PRELID2: variants seen among roughly 807,000 people sequenced by gnomAD.
PRELID2 encodes the protein PRELI domain containing 2.
In PRELID2, 25 loss-of-function variants were observed where a neutral mutation model predicts 28.4. That is an observed-to-expected ratio of 0.88 (90% CI 0.64 to 1.23). The LOEUF (loss-of-function observed/expected upper bound fraction) is 1.23, where lower values mean the gene tolerates loss of function less well. Among genes scored for constraint, PRELID2 ranks in the 50% most tolerant of loss-of-function variants. The pLI, the probability that PRELID2 is intolerant of heterozygous loss-of-function variation, is 0.00. For missense variants in PRELID2, 201 were observed against 214.4 expected (o/e 0.94, Z 0.39); for synonymous variants, 76 against 71.6 (o/e 1.06, Z -0.31).
intron 1 of PRELID2, among the ~76,000 whole-genome samples, chr5:145,571,640 T>C (rs1753015793): frequency 6.6e-6 from 1 of 152,154 alleles, no homozygotes; most frequent in African/African-American, 2.4e-5. Context: ...CAGGAGAGAA[T>C]TAACTAAGAG....
intron 1 of PRELID2, chr5:145,834,755 C>T (rs955915262): frequency 4.9e-5 from 8 of 163,868 alleles, no homozygotes; most frequent in Non-Finnish European, 1.1e-4. Flanking sequence ...CGATGTCCCA[C>T]AGCTGTTTAA....
At chr5:145,336,217 G>A in the PRELID2 span, among the ~76,000 whole-genome samples, 8 of 152,012 alleles carry the variant, frequency 5.3e-5, no homozygotes, top group Admixed American at 3.9e-4. Flanking sequence ...CTCCCATTTT[G>A]TAGGTTGCCT....
At chr5:145,481,623 C>CAAAAAAAAAAAAA (rs70998021) in intron 1 of PRELID2, among the ~76,000 whole-genome samples, 155 of 41,864 alleles carry the variant, frequency 3.7e-3, no homozygotes, top group East Asian at 8.7e-3. Context: ...GCAAGGAAAT[C>CAAAAAAAAAAAAA]AAAAAAAAAA....
chr5:145,248,285 T>C, the PRELID2 span, among the ~76,000 whole-genome samples: 3 of 152,196 alleles, frequency 2.0e-5, no homozygotes, highest in East Asian at 5.8e-4. Flanking sequence ...ACAAACATGC[T>C]TATGTTGTTC....
the PRELID2 span, chr5:145,229,343 A>T: frequency 4.0e-6 from 3 of 742,630 alleles, no homozygotes; most frequent in Non-Finnish European, 7.5e-6. Flanking sequence ...GGTCACTCCC[A>T]AGAACCTGTG....
chr5:145,315,545 G>GGTGTGTGT, the PRELID2 span, among the ~76,000 whole-genome samples: 1,988 of 142,946 alleles, frequency 0.014, 35 homozygotes, highest in African/African-American at 0.023. Flanking sequence ...GCTCTTTCAG[G>GGTGTGTGT]GTGTGTGTGT....
At chr5:145,777,544 A>G (rs1758487958) in intron 5 of PRELID2, among the ~76,000 whole-genome samples, 1 of 152,188 alleles carries the variant, frequency 6.6e-6, no homozygotes, top group Admixed American at 6.5e-5. Flanking sequence ...TGGTAATGAT[A>G]ATGATGGCAG....
the PRELID2 span, among the ~76,000 whole-genome samples, chr5:145,423,083 T>A: frequency 1.3e-5 from 2 of 151,352 alleles, no homozygotes; most frequent in Non-Finnish European, 2.9e-5. Flanking sequence ...TTCTGGCTTG[T>A]AGGGTTTCTG....
chr5:145,346,469 G>C, the PRELID2 span, among the ~76,000 whole-genome samples: 30 of 152,116 alleles, frequency 2.0e-4, no homozygotes, highest in African/African-American at 6.7e-4. Flanking sequence ...TCCTATTCTT[G>C]GCCCAAGATA....
chr5:145,326,523 G>A, the PRELID2 span, among the ~76,000 whole-genome samples: 20 of 152,068 alleles, frequency 1.3e-4, no homozygotes, highest in East Asian at 3.8e-4. Flanking sequence ...GTTTTGTCTC[G>A]TATATGTTTA....
chr5:145,474,423 T>C (rs998146592), intron 1 of PRELID2, among the ~76,000 whole-genome samples: 5 of 152,166 alleles, frequency 3.3e-5, no homozygotes, highest in African/African-American at 1.2e-4. Flanking sequence ...TATTATTACA[T>C]AGAAATCTGG....
chr5:145,544,351 A>G (rs1225233336), intron 1 of PRELID2, among the ~76,000 whole-genome samples: 5 of 152,142 alleles, frequency 3.3e-5, no homozygotes, highest in Non-Finnish European at 7.4e-5. Flanking sequence ...TACTCATCAA[A>G]CAAACAAACT....
chr5:145,424,004 G>A, the PRELID2 span, among the ~76,000 whole-genome samples: 2 of 151,836 alleles, frequency 1.3e-5, no homozygotes, highest in East Asian at 3.9e-4. Flanking sequence ...CGTGTGAGGT[G>A]TCAGTGTGAC....
In PRELID2 at chr5:145,817,896, A is replaced by G. The variant is rs776678405; in HGVS notation, c.366T>C (p.Asn122=). ...SVFRESMENP[N]WTEFIQRGRI... ...ACACATATACACACGAGTCTTACCA[A>G]TTTGGGTTTTCCATACTTTCCCGGA... Residue 122 remains asparagine, a splice_region_variant and synonymous_variant, in exon 4 of 7, where the codon AAT becomes AAC. Transcript: ENST00000683046. The G allele has an allele frequency of 6.5e-6, 10 of 1,545,662 alleles. No individual in the cohort carries two copies. The East Asian group carries it at 6.8e-5, about 11-fold the overall frequency.
chr5:145,407,089 G>C, the PRELID2 span, among the ~76,000 whole-genome samples: 16 of 152,270 alleles, frequency 1.1e-4, no homozygotes, highest in East Asian at 2.9e-3. Context: ...CTGAAGCCAG[G>C]ATTGGGGAGC....
intron 1 of PRELID2, among the ~76,000 whole-genome samples, chr5:145,577,855 T>G (rs1753073861): frequency 6.6e-6 from 1 of 152,182 alleles, no homozygotes; most frequent in African/African-American, 2.4e-5. Context: ...TCATATGTAC[T>G]TTTTGCTTAT....
the PRELID2 span, among the ~76,000 whole-genome samples, chr5:145,259,226 G>T: frequency 2.0e-5 from 3 of 152,354 alleles, no homozygotes; most frequent in Non-Finnish European, 4.4e-5. Context: ...CTAGAGCAGT[G>T]AAGAGGGGAA....
the PRELID2 span, among the ~76,000 whole-genome samples, chr5:145,237,648 C>T: frequency 6.6e-6 from 1 of 152,086 alleles, no homozygotes; most frequent in South Asian, 2.1e-4. Flanking sequence ...CCCCTGTATC[C>T]ATCATCTTTC....
the PRELID2 span, among the ~76,000 whole-genome samples, chr5:145,265,045 T>C: frequency 1.5e-4 from 23 of 150,590 alleles, no homozygotes; most frequent in East Asian, 4.3e-3. Context: ...TGATTGTATA[T>C]TTAGAAAACT....
Sources: allele counts gnomAD v4.1 joint callset (sites outside exome capture counted in the v4.1 genomes callset), GRCh38; gene constraint gnomAD v4.1.1; transcripts MANE v1.5; gene names NCBI Gene and HGNC (gene_info 2026-07-23, HGNC 2026-07-21).